CDH13: variants seen among roughly 807,000 people sequenced by gnomAD.
The protein encoded by CDH13 is cadherin-13.
In CDH13, 24 loss-of-function variants were observed where a neutral mutation model predicts 63.8. That is an observed-to-expected ratio of 0.38 (90% confidence interval 0.27 to 0.53). CDH13 has a LOEUF of 0.53. Ranked by LOEUF, CDH13 falls within the 20% of genes least tolerant of loss-of-function variation. The pLI is 0.85. For missense variants in CDH13, 1,049 were observed against 903.1 expected (o/e 1.16, Z -2.07); for synonymous variants, 503 against 355.3 (o/e 1.42, Z -4.67).
chr16:82,811,688 T>C (rs75948246), intron 1 of CDH13, among the ~76,000 whole-genome samples: 1,663 of 152,260 alleles, frequency 0.011, 30 homozygotes, highest in African/African-American at 0.038. Flanking sequence ...CCAAATGAGT[T>C]GCCATGGTGT....
At chr16:82,921,544 C>T (rs1013619110) in intron 2 of CDH13, among the ~76,000 whole-genome samples, 3 of 152,208 alleles carry the variant, frequency 2.0e-5, no homozygotes, top group African/African-American at 4.8e-5. Flanking sequence ...TATGCACAGA[C>T]ATTTTTTTCC....
At chr16:82,822,673 T>G (rs2038059816) in intron 1 of CDH13, among the ~76,000 whole-genome samples, 1 of 152,182 alleles carries the variant, frequency 6.6e-6, no homozygotes, top group South Asian at 2.1e-4. Context: ...TTTTAATTTT[T>G]CTGTAGAAAT....
At chr16:82,972,848 C>A (rs1344561305) in intron 2 of CDH13, among the ~76,000 whole-genome samples, 1 of 152,122 alleles carries the variant, frequency 6.6e-6, no homozygotes, top group Non-Finnish European at 1.5e-5. Context: ...CAGGTCTCTA[C>A]CTTTTTACCA....
chr16:82,811,809 G>T (rs1356315989), intron 1 of CDH13, among the ~76,000 whole-genome samples: 3 of 152,158 alleles, frequency 2.0e-5, no homozygotes, highest in Non-Finnish European at 4.4e-5. Flanking sequence ...GAAGTGTCAG[G>T]AGTGACTTAT....
Position 82,658,121 on chromosome 16 carries a change from T to C in CDH13, c.45+30984T>C, listed in dbSNP as rs149368112. On this transcript the variant is annotated intron_variant, in intron 1 of 13. Coordinates refer to ENST00000567109, the MANE Select transcript of CDH13 (RefSeq NM_001257.5). Reference sequence around the variant, plus strand: ...AGTTTGTTGAGAGTTATTATGAGTATTGATTTTGCCAAGTGCTTTTTCTGC... The same window carrying C: ...AGTTTGTTGAGAGTTATTATGAGTACTGATTTTGCCAAGTGCTTTTTCTGC... Among the ~76,000 whole-genome samples the C allele has an allele frequency of 2.6e-3, 391 of 152,344 alleles. 2 individuals carry two copies. Among genetic ancestry groups the C allele is most frequent in the African/African-American group, 9.0e-3 (375 of 41,584 alleles).
chr16:83,374,158 C>T (rs1011535276), intron 6 of CDH13, among the ~76,000 whole-genome samples: 2 of 152,180 alleles, frequency 1.3e-5, no homozygotes, highest in African/African-American at 4.8e-5. Context: ...ATCCACATAA[C>T]CTGATGGAGC....
chr16:83,459,373 A>G (rs955466569), intron 6 of CDH13, among the ~76,000 whole-genome samples: 3 of 152,238 alleles, frequency 2.0e-5, no homozygotes, highest in Admixed American at 2.0e-4. Context: ...ACATGACTAT[A>G]AATAATTGAC....
At chr16:82,700,222 A>G (rs1328903231) in intron 1 of CDH13, among the ~76,000 whole-genome samples, 1 of 152,240 alleles carries the variant, frequency 6.6e-6, no homozygotes, top group African/African-American at 2.4e-5. Context: ...GTGAATGTGC[A>G]TACTGAATTT....
rs1017906262 is a variant in CDH13, at chr16:83,780,008, C to T, written c.1722C>T (p.Thr574=). The change falls in exon 12 of 14, where the codon ACC becomes ACT. Residue 574 remains threonine, a synonymous_variant. Coordinates refer to ENST00000567109, the MANE Select transcript of CDH13 (RefSeq NM_001257.5). ...PATGTGTLLI[T]LEDVNDNAPF... Reference sequence around the variant, plus strand: ...CGGGCACTGGGACTTTGCTGATAACCCTGGAGGACGTGAATGACAATGCCC... The same window carrying T: ...CGGGCACTGGGACTTTGCTGATAACTCTGGAGGACGTGAATGACAATGCCC... 1 of 1,613,874 alleles carries T rather than the reference C, an allele frequency of 6.2e-7. No homozygotes were observed. Among genetic ancestry groups the T allele is most frequent in the African/African-American group, 1.3e-5 (1 of 75,028 alleles).
intron 1 of CDH13, among the ~76,000 whole-genome samples, chr16:82,809,467 G>T (rs139714966): frequency 6.6e-6 from 1 of 152,030 alleles, no homozygotes; most frequent in African/African-American, 2.4e-5. Context: ...TTAAGAATTC[G>T]CTCAGGGCAT....
intron 6 of CDH13, among the ~76,000 whole-genome samples, chr16:83,456,058 C>A (rs569010602): frequency 3.9e-4 from 60 of 152,334 alleles, no homozygotes; most frequent in Middle Eastern, 3.4e-3. Context: ...TTCTCACCTG[C>A]GTTCCAATAT....
Position 83,783,282 on chromosome 16 carries a change from A to C in CDH13, c.1944A>C (p.Gln648His), listed in dbSNP as rs117780495. The C allele has an allele frequency of 6.2e-7, 1 of 1,613,798 alleles. No homozygotes were observed. The highest frequency in any genetic ancestry group is 1.3e-5 in the African/African-American group (1 of 74,918). The change falls in exon 13 of 14, where the codon CAA becomes CAC. Residue 648 changes from glutamine (Q) to histidine (H), a missense_variant. Physicochemically the swap from Gln to His is conservative, Grantham distance 24. Transcript: ENST00000567109. ...NNTHALVSLL[Q>H]NLNKANYNLP... is the part of the protein sequence containing the mutation. ...CACACGCCCTGGTAAGCCTTCTTCA[A>C]AATCTGAACAAAGCAAACTACAACC...
intron 10 of CDH13, among the ~76,000 whole-genome samples, chr16:83,703,598 G>A (rs755777365): frequency 2.0e-5 from 3 of 152,126 alleles, no homozygotes; most frequent in Non-Finnish European, 2.9e-5. Flanking sequence ...GGATAGGAGC[G>A]GGCTTTCAGG....
At chr16:83,429,665 T>TG (rs2072032661) in intron 6 of CDH13, among the ~76,000 whole-genome samples, 4 of 152,204 alleles carry the variant, frequency 2.6e-5, no homozygotes, top group African/African-American at 9.6e-5. Context: ...GTGGCTAATC[T>TG]TTCCTTAGAA....
chr16:82,846,645 A>G (rs373193560), intron 1 of CDH13, among the ~76,000 whole-genome samples: 8 of 152,370 alleles, frequency 5.3e-5, no homozygotes, highest in African/African-American at 1.9e-4. Flanking sequence ...ACTGATTCTC[A>G]ATGTATAGTC....
chr16:83,760,574 G>C (rs1396880410), intron 11 of CDH13, among the ~76,000 whole-genome samples: 1 of 152,198 alleles, frequency 6.6e-6, no homozygotes, highest in Non-Finnish European at 1.5e-5. Flanking sequence ...TGCAGCAAAA[G>C]AAGGCTGAAA....
chr16:82,932,206 A>G (rs1447230785), intron 2 of CDH13, among the ~76,000 whole-genome samples: 1 of 152,138 alleles, frequency 6.6e-6, no homozygotes, highest in Non-Finnish European at 1.5e-5. Context: ...TTGTTGCTAT[A>G]TTTTTAGTAT....
At chr16:83,451,317 T>G (rs954076353) in intron 6 of CDH13, among the ~76,000 whole-genome samples, 2 of 152,058 alleles carry the variant, frequency 1.3e-5, no homozygotes, top group Non-Finnish European at 2.9e-5. Flanking sequence ...AGAGAAAGCA[T>G]GTACAGGGAA....
Position 82,898,460 on chromosome 16 carries a change from G to A in CDH13, c.157+39987G>A, listed in dbSNP as rs1040092157. Among the ~76,000 whole-genome samples, 8 of 152,224 alleles carry A rather than the reference G, an allele frequency of 5.3e-5. No homozygotes were observed. In the South Asian group the frequency reaches 1.4e-3, roughly 28 times the overall value. ...GAATTACTTGAACCTGGGAGGCAGA[G>A]GTTGCAGTGAGCCAAGATCTCGCCA... On this transcript the variant is annotated intron_variant, in intron 2 of 13. Transcript: ENST00000567109.
Sources: allele counts gnomAD v4.1 joint callset (sites outside exome capture counted in the v4.1 genomes callset), GRCh38; gene constraint gnomAD v4.1.1; transcripts MANE v1.5; gene names NCBI Gene and HGNC (gene_info 2026-07-23, HGNC 2026-07-21).